ESCO1: variants seen among roughly 807,000 people sequenced by gnomAD.
ESCO1 encodes establishment of sister chromatid cohesion N-acetyltransferase 1, also known as N-acetyltransferase ESCO1.
In ESCO1, 33 loss-of-function variants were observed where a neutral mutation model predicts 83.5. The ratio of observed to expected loss-of-function variants is 0.40; its 90% confidence interval spans 0.30 to 0.53. The LOEUF is 0.53. Among genes scored for constraint, ESCO1 ranks in the 20% least tolerant of loss-of-function variants. The pLI, the probability that ESCO1 is intolerant of heterozygous loss-of-function variation, is 0.63. For missense variants in ESCO1, 855 were observed against 968.0 expected, an observed-to-expected ratio of 0.88 and a Z score of 1.55; for synonymous variants, 332 against 324.3, an observed-to-expected ratio of 1.02 and a Z score of -0.25.
chr18:21,538,000 CAT>C (rs891976993), intron 9 of ESCO1, among the ~76,000 whole-genome samples: 4 of 143,232 alleles, frequency 2.8e-5, no homozygotes, highest in African/African-American at 7.7e-5. Flanking sequence ...AGCCTAGAAA[CAT>C]AAAAAAAAAA....
Position 21,573,402 on chromosome 18 carries a change from T to C in ESCO1, c.1442A>G (p.Glu481Gly). Residue 481 changes from glutamate (E) to glycine (G), a missense_variant, in exon 4 of 12, where the codon GAA (glutamate) becomes GGA (glycine). Glu to Gly is a moderately conservative substitution (Grantham distance 98, BLOSUM62 -2). Around this residue, in one of 2 missense-constraint regions of ESCO1, gnomAD observed 726 missense variants for 699.5 expected, o/e 1.04. Transcript: ENST00000269214. ...TATCTCATTGGCCAAATGACAATTTTCAGGAGCCCTTTCTGTGGTTTTATT... is the reference window on the plus strand; with the variant it reads ...TATCTCATTGGCCAAATGACAATTTCCAGGAGCCCTTTCTGTGGTTTTATT... ...EINKTTERAPENCHLANEIKP... is the reference protein window; with the variant it reads ...EINKTTERAPGNCHLANEIKP... 6.2e-7 allele frequency: 1 copy of C among 1,610,980 alleles called. No individual in the cohort carries two copies. Among genetic ancestry groups the C allele is most frequent in the Non-Finnish European group, 8.5e-7 (1 of 1,179,432 alleles).
In ESCO1 at chr18:21,530,322, T is replaced by C. The variant is rs1327827892; in HGVS notation, c.*21A>G. 4.5e-6 allele frequency: 7 copies of C among 1,551,086 alleles called. No individual in the cohort carries two copies. Among genetic ancestry groups the C allele is most frequent in the African/African-American group, 1.4e-5 (1 of 72,292 alleles). On this transcript the variant is annotated 3_prime_UTR_variant, in exon 12 of 12. Coordinates refer to ENST00000269214, the MANE Select transcript of ESCO1 (RefSeq NM_052911.3). ...ATTCTCTTCAATAGATGTCTTCTAG[T>C]GGTGTAGGCAAGAATTTGTTTTACG...
At chr18:21,597,386 C>T (rs1048016197) in intron 1 of ESCO1, among the ~76,000 whole-genome samples, 1 of 151,634 alleles carries the variant, frequency 6.6e-6, no homozygotes, top group Admixed American at 6.6e-5. Flanking sequence ...ATATATTAAG[C>T]TGGGTATGCA....
intron 8 of ESCO1, among the ~76,000 whole-genome samples, chr18:21,555,459 T>C (rs772938228): frequency 6.6e-6 from 1 of 152,170 alleles, no homozygotes; most frequent in Non-Finnish European, 1.5e-5. Flanking sequence ...AATGTACAAC[T>C]ATGATAAGGG....
Position 21,573,945 on chromosome 18 carries a change from C to T in ESCO1, c.899G>A (p.Arg300Gln), listed in dbSNP as rs575811331. The change falls in exon 4 of 12, where the codon CGA becomes CAA. Residue 300 changes from arginine to glutamine, a missense_variant. Arg to Gln is a conservative substitution (Grantham distance 43). Around this residue, in one of 2 missense-constraint regions of ESCO1, gnomAD observed 726 missense variants for 699.5 expected, o/e 1.04. Transcript: ENST00000269214. ...TTCACAGAGCTGGAGAATACTACCTCGTTTGCTCTTTCCTGCTTGCTCCAG... is the reference window on the plus strand; with the variant it reads ...TTCACAGAGCTGGAGAATACTACCTTGTTTGCTCTTTCCTGCTTGCTCCAG... ...NELEQAGKSK[R>Q]GSILQLCEEI... 5.6e-6 allele frequency: 9 copies of T among 1,614,016 alleles called. No homozygotes were observed. The highest frequency in any genetic ancestry group is 5.5e-5 in the South Asian group (5 of 91,082).
At chr18:21,544,976 A>G (rs1568094600) in intron 8 of ESCO1, among the ~76,000 whole-genome samples, 1 of 152,268 alleles carries the variant, frequency 6.6e-6, no homozygotes, top group Non-Finnish European at 1.5e-5. Flanking sequence ...AGTGTGATAA[A>G]GCAGTGACTG....
chr18:21,568,618 C>T (rs2038295644), intron 4 of ESCO1, among the ~76,000 whole-genome samples: 1 of 152,096 alleles, frequency 6.6e-6, no homozygotes, highest in Admixed American at 6.6e-5. Flanking sequence ...AACTTAAGCA[C>T]CCAGCCGGGC....
At position 21,530,233 on chromosome 18, in the gene ESCO1, G is replaced by T; in HGVS notation, c.*110C>A. On this transcript the variant is annotated 3_prime_UTR_variant, in exon 12 of 12. Coordinates refer to ENST00000269214, the MANE Select transcript of ESCO1 (RefSeq NM_052911.3). ...AAAATGGAACAACCATATGGTTGTTGCCAGTCCTGAGTTCATTGTAATAAA... is the reference window on the plus strand; with the variant it reads ...AAAATGGAACAACCATATGGTTGTTTCCAGTCCTGAGTTCATTGTAATAAA... 1 of 867,146 alleles carries T rather than the reference G, an allele frequency of 1.2e-6. No homozygotes were observed. The highest frequency in any genetic ancestry group is 1.6e-6 in the Non-Finnish European group (1 of 609,490). The allele number at this position is 867,146 out of a possible 1,614,324, so 53.7% of individuals were successfully genotyped here. A position where few individuals can be genotyped will look rare whatever the true frequency, so the allele number is the denominator to read the frequency against.
chr18:21,582,128 A>G (rs2038510896), intron 2 of ESCO1, among the ~76,000 whole-genome samples: 1 of 152,192 alleles, frequency 6.6e-6, no homozygotes, highest in Non-Finnish European at 1.5e-5. Flanking sequence ...AAAACTGGGT[A>G]ACCATCTAGG....
At chr18:21,561,903 G>C (rs950233476) in intron 7 of ESCO1, among the ~76,000 whole-genome samples, 2 of 148,842 alleles carry the variant, frequency 1.3e-5, no homozygotes, top group Non-Finnish European at 3.0e-5. Flanking sequence ...ATTTGAGACA[G>C]AGTCTTGCTC....
At chr18:21,544,953 C>G (rs2037954029) in intron 8 of ESCO1, among the ~76,000 whole-genome samples, 1 of 152,220 alleles carries the variant, frequency 6.6e-6, no homozygotes, top group Non-Finnish European at 1.5e-5. Flanking sequence ...GTAACAGGAG[C>G]AGCTAGACCT....
At chr18:21,551,125 A>C (rs569851587) in intron 8 of ESCO1, among the ~76,000 whole-genome samples, 1 of 151,476 alleles carries the variant, frequency 6.6e-6, no homozygotes, top group East Asian at 1.9e-4. Flanking sequence ...AAAAAAAAAA[A>C]AAAAGAAAAC....
chr18:21,542,107 T>C (rs1415782607), intron 8 of ESCO1, among the ~76,000 whole-genome samples: 1 of 152,228 alleles, frequency 6.6e-6, no homozygotes, highest in Non-Finnish European at 1.5e-5. Flanking sequence ...AAAAGCCCTT[T>C]AAGAAGCAAA....
chr18:21,536,909 T>C (rs1234584773), intron 9 of ESCO1, among the ~76,000 whole-genome samples: 2 of 152,200 alleles, frequency 1.3e-5, no homozygotes, highest in African/African-American at 2.4e-5. Flanking sequence ...AAGGAACTCA[T>C]GTTTACTTCC....
intron 1 of ESCO1, among the ~76,000 whole-genome samples, chr18:21,585,881 C>G (rs1598477871): frequency 6.6e-6 from 1 of 152,216 alleles, no homozygotes; most frequent in South Asian, 2.1e-4. Context: ...GTGTTTGAGC[C>G]ACTGAGCCCA....
chr18:21,558,870 T>A lies in ESCO1; in HGVS notation c.1953+1989A>T, dbSNP rs182184223. ...CATGAATTAACACCAGAGTACCATA[T>A]GACTTCTTCTATATACTTCTCACCA... On this transcript the variant is annotated intron_variant, in intron 8 of 11. Transcript: ENST00000269214. Among the ~76,000 whole-genome samples, 127 of 152,304 alleles carry A rather than the reference T, an allele frequency of 8.3e-4. 2 individuals carry two copies. The highest frequency in any genetic ancestry group is 2.9e-3 in the African/African-American group (120 of 41,572).
chr18:21,538,001 A>AT (rs1491130548), intron 9 of ESCO1, among the ~76,000 whole-genome samples: 2 of 151,846 alleles, frequency 1.3e-5, no homozygotes, highest in Non-Finnish European at 2.9e-5. Context: ...GCCTAGAAAC[A>AT]TAAAAAAAAA....
intron 8 of ESCO1, among the ~76,000 whole-genome samples, chr18:21,543,131 C>A (rs1012785138): frequency 6.6e-6 from 1 of 152,116 alleles, no homozygotes; most frequent in Non-Finnish European, 1.5e-5. Flanking sequence ...ATTTGTATTT[C>A]TAACAGCAAG....
intron 1 of ESCO1, among the ~76,000 whole-genome samples, chr18:21,589,453 A>G (rs2038630781): frequency 6.6e-6 from 1 of 151,828 alleles, no homozygotes; most frequent in Non-Finnish European, 1.5e-5. Flanking sequence ...ATAGTCTCCT[A>G]TCCAATCGTC....
Sources: gnomAD v4.1 joint callset for allele counts (sites outside exome capture counted in the v4.1 genomes callset) on GRCh38, gnomAD v4.1.1 for gene constraint, gnomAD v4.1.1 regional missense constraint, MANE v1.5 for transcripts, NCBI Gene and HGNC (gene_info 2026-07-23, HGNC 2026-07-21) for gene names.